Variants in C5orf47 observed in about 807,000 individuals in gnomAD.
C5orf47 encodes the protein uncharacterized protein C5orf47.
In C5orf47, 20 loss-of-function variants were observed where a neutral mutation model predicts 20.6. The observed-to-expected ratio is 0.97, with a 90% CI of 0.68 to 1.41. The LOEUF (loss-of-function observed/expected upper bound fraction) is 1.41, where lower values mean the gene tolerates loss of function less well. C5orf47 is among the 40% of genes most tolerant of loss of function. C5orf47 has a pLI of 0.00. For missense variants in C5orf47, 262 were observed against 238.4 expected (o/e 1.10, Z -0.65); for synonymous variants, 106 against 97.3 (o/e 1.09, Z -0.53).
intron 2 of C5orf47, among the ~76,000 whole-genome samples, chr5:173,999,438 C>A (rs1037669914): frequency 2.0e-5 from 3 of 152,052 alleles, no homozygotes; most frequent in Non-Finnish European, 4.4e-5. Context: ...TAGTCATTGC[C>A]TTTGAAAGGC....
At chr5:173,990,406 C>T (rs549393472) in intron 1 of C5orf47, among the ~76,000 whole-genome samples, 1 of 152,066 alleles carries the variant, frequency 6.6e-6, no homozygotes, top group East Asian at 1.9e-4. Context: ...CATGCATGAG[C>T]CACTGGGCCA....
rs1251066780 is a variant in C5orf47 at position 174,005,867 on chromosome 5, C to T, written c.*1613C>T. On this transcript the variant is annotated 3_prime_UTR_variant, in exon 5 of 5. Transcript: ENST00000340147. ...AAGAGTCTAATGCTGGATACAAACT[C>T]AGTTTATTTCACTGTTCTAGAACCA... The T allele has an allele frequency of 6.6e-6, 1 of 152,248 alleles. No individual in the cohort carries two copies. The allele number at this position is 152,248 out of a possible 1,614,324, so 9.4% of individuals were successfully genotyped here. A position where few individuals can be genotyped will look rare whatever the true frequency, so the allele number is the denominator to read the frequency against.
downstream of C5orf47, among the ~76,000 whole-genome samples, chr5:174,007,389 C>T (rs1239931267): frequency 6.6e-6 from 1 of 152,170 alleles, no homozygotes; most frequent in Non-Finnish European, 1.5e-5. Context: ...CTGAACACAG[C>T]TGCTTTGCTA....
At chr5:173,996,943 G>T (rs78628622) in intron 1 of C5orf47, among the ~76,000 whole-genome samples, 2 of 152,090 alleles carry the variant, frequency 1.3e-5, no homozygotes, top group Non-Finnish European at 2.9e-5. Flanking sequence ...CACCATATGA[G>T]TTAATATTCC....
At chr5:174,003,508 A>T (rs1456482248) in intron 4 of C5orf47, among the ~76,000 whole-genome samples, 2 of 152,122 alleles carry the variant, frequency 1.3e-5, no homozygotes, top group African/African-American at 4.8e-5. Context: ...GGTAATAGTG[A>T]GGTACTCAGG....
At chr5:173,993,580 G>GT (rs1388332928) in intron 1 of C5orf47, among the ~76,000 whole-genome samples, 2 of 152,178 alleles carry the variant, frequency 1.3e-5, no homozygotes, top group African/African-American at 4.8e-5. Flanking sequence ...GGAGGCGGAG[G>GT]TTGCAGTGAG....
chr5:173,990,598 G>C (rs887748760), intron 1 of C5orf47, among the ~76,000 whole-genome samples: 2 of 152,004 alleles, frequency 1.3e-5, no homozygotes, highest in African/African-American at 2.4e-5. Flanking sequence ...CCAATGCCCA[G>C]CTAATTTTTT....
chr5:174,000,825 G>GGATAAGC (rs1759183477), intron 3 of C5orf47, among the ~76,000 whole-genome samples: 1 of 152,118 alleles, frequency 6.6e-6, no homozygotes, highest in Non-Finnish European at 1.5e-5. Flanking sequence ...TATCTTAAAT[G>GGATAAGC]AAAAGGATGT....
chr5:174,005,778 T>C lies in C5orf47; in HGVS notation c.*1524T>C, dbSNP rs898203575. ...TGTATGTTTATATTTATGTGACTTA[T>C]ACAACTTGACATAGTAGTCTGTTTT... On this transcript the variant is annotated 3_prime_UTR_variant, in exon 5 of 5. Transcript: ENST00000340147. 15 of 152,502 alleles carry C rather than the reference T, an allele frequency of 9.8e-5. No homozygotes were observed. Among genetic ancestry groups the C allele is most frequent in the Non-Finnish European group, 1.3e-4 (9 of 68,040 alleles). 9.4% of individuals were successfully genotyped at this position (152,502 alleles called of 1,614,324 possible).
rs964315282 is a variant in C5orf47, at chr5:173,989,484, A to G, written c.221A>G (p.Gln74Arg). 5.8e-6 allele frequency: 9 copies of G among 1,547,866 alleles called. No homozygotes were observed. In the African/African-American group the frequency reaches 1.2e-4, roughly 21 times the overall value. The change falls in exon 1 of 5, where the codon CAG (glutamine) becomes CGG (arginine). Residue 74 changes from glutamine to arginine, a missense_variant. Physicochemically the swap from Gln to Arg is conservative, Grantham distance 43. Transcript: ENST00000340147. ...GGCAGCGAGCTGCCCCTCGGTTCCCAGCTCAGGGTCCCCACGACCCCTGGT... is the reference window on the plus strand; with the variant it reads ...GGCAGCGAGCTGCCCCTCGGTTCCCGGCTCAGGGTCCCCACGACCCCTGGT... ...QGGSELPLGS[Q>R]LRVPTTPGVE...
chr5:174,004,198 A>G (rs1311705167), intron 4 of C5orf47, 73 bp from the exon 5 acceptor site: 2 of 152,352 alleles, frequency 1.3e-5, no homozygotes, highest in South Asian at 2.1e-4. Context: ...TAGAAATGCT[A>G]AAAATTTTCA....
At chr5:174,008,105 C>T (rs897210158), downstream of C5orf47, among the ~76,000 whole-genome samples, 4 of 152,234 alleles carry the variant, frequency 2.6e-5, no homozygotes, top group African/African-American at 9.6e-5. Flanking sequence ...ACGTAGAAAG[C>T]TTGAGTGATA....
intron 3 of C5orf47, among the ~76,000 whole-genome samples, chr5:174,000,424 T>C (rs968291876): frequency 1.3e-4 from 20 of 152,096 alleles, no homozygotes; most frequent in Non-Finnish European, 7.4e-5. Flanking sequence ...TTGGATAAAA[T>C]TTATGTAACT....
Position 173,989,601 on chromosome 5 carries a change from G to T in C5orf47, c.325+13G>T. The T allele has an allele frequency of 7.0e-7, 1 of 1,424,926 alleles. No homozygotes were observed. Among genetic ancestry groups the T allele is most frequent in the Non-Finnish European group, 9.2e-7 (1 of 1,091,910 alleles). 88.3% of individuals were successfully genotyped at this position (1,424,926 alleles called of 1,614,324 possible). On this transcript the variant is annotated intron_variant, in intron 1 of 4. Coordinates refer to ENST00000340147, the MANE Select transcript of C5orf47 (RefSeq NM_001144954.2). ...TCGGCGCGTGCAGGTGGTGCAGCGG[G>T]GCAGGGCGGGACCGGGCGCGGCGGG...
intron 1 of C5orf47, among the ~76,000 whole-genome samples, chr5:173,995,535 T>C (rs1428325810): frequency 1.3e-5 from 2 of 152,252 alleles, no homozygotes; most frequent in Non-Finnish European, 2.9e-5. Context: ...ACTATTATTC[T>C]CAGTGTCCTT....
chr5:173,989,643 C>T (rs547706462), intron 1 of C5orf47, 55 bp downstream of exon 1: 18 of 1,310,156 alleles, frequency 1.4e-5, no homozygotes, highest in South Asian at 5.6e-5. Context: ...CGGGGCGGAG[C>T]GGGCTCAGCT....
rs1193492396 is a variant in C5orf47, at chr5:173,998,247, C to T, written c.411+9C>T. On this transcript the variant is annotated intron_variant, in intron 2 of 4. Transcript: ENST00000340147. ...TGAAGAAAAAGAAAAAGGTATATTG[C>T]TGTAAAGGAGAATGAGCAATATTTG... 5 of 1,415,520 alleles carry T rather than the reference C, an allele frequency of 3.5e-6. No homozygotes were observed. Among genetic ancestry groups the T allele is most frequent in the Non-Finnish European group, 3.9e-6 (4 of 1,033,348 alleles). The allele number at this position is 1,415,520 out of a possible 1,614,324, so 87.7% of individuals were successfully genotyped here. A position where few individuals can be genotyped will look rare whatever the true frequency, so the allele number is the denominator to read the frequency against.
intron 1 of C5orf47, among the ~76,000 whole-genome samples, chr5:173,994,805 C>A (rs564776051): frequency 1.3e-5 from 2 of 151,988 alleles, no homozygotes; most frequent in Admixed American, 1.3e-4. Flanking sequence ...CTTGGGTGTA[C>A]TTAATGTTTG....
intron 2 of C5orf47, 51 bp downstream of exon 2, chr5:173,998,289 C>T (rs1301874353): frequency 2.2e-6 from 2 of 929,194 alleles, no homozygotes; most frequent in Non-Finnish European, 3.3e-6. Context: ...AGATCATCCT[C>T]TCTAAATACA....
Sources: gnomAD v4.1 joint callset for allele counts (sites outside exome capture counted in the v4.1 genomes callset) on GRCh38, gnomAD v4.1.1 for gene constraint, MANE v1.5 for transcripts, NCBI Gene and HGNC (gene_info 2026-07-23, HGNC 2026-07-21) for gene names.